Variants in TMTC2 observed in about 807,000 individuals in gnomAD.
TMTC2 encodes transmembrane O-mannosyltransferase targeting cadherins 2.
TMTC2 carries 43 observed loss-of-function variants against 82.4 expected under a neutral mutation model. The ratio of observed to expected loss-of-function variants is 0.52; its 90% CI spans 0.41 to 0.67. The LOEUF (loss-of-function observed/expected upper bound fraction) is 0.67. TMTC2 is among the 30% of genes least tolerant of loss of function. The pLI, the probability that TMTC2 is intolerant of heterozygous loss-of-function variation, is 0.00. For missense variants in TMTC2, 919 were observed against 1,012.4 expected, an observed-to-expected ratio of 0.91 and a Z score of 1.25; for synonymous variants, 408 against 381.9, an observed-to-expected ratio of 1.07 and a Z score of -0.80.
At chr12:82,734,235 T>G (rs571388299) in intron 1 of TMTC2, among the ~76,000 whole-genome samples, 1 of 152,328 alleles carries the variant, frequency 6.6e-6, no homozygotes, top group African/African-American at 2.4e-5. Context: ...GCGAGCAGGC[T>G]TGGCTGTATT....
intron 1 of TMTC2, among the ~76,000 whole-genome samples, chr12:82,704,132 T>C (rs764318213): frequency 6.6e-6 from 1 of 152,222 alleles, no homozygotes; most frequent in Non-Finnish European, 1.5e-5. Context: ...GTAAATTTGA[T>C]GTTACATTGG....
At chr12:82,735,637 A>G (rs143711543) in intron 1 of TMTC2, among the ~76,000 whole-genome samples, 20,955 of 143,854 alleles carry the variant, frequency 0.15, 1,650 homozygotes, top group Admixed American at 0.18. Flanking sequence ...GAGCCACCGC[A>G]CCCAGCCCCC....
chr12:82,992,199 A>G (rs143256472), intron 8 of TMTC2, among the ~76,000 whole-genome samples: 40 of 152,338 alleles, frequency 2.6e-4, no homozygotes, highest in Non-Finnish European at 2.9e-5. Flanking sequence ...AGTGTAGTTT[A>G]TCTGGAAATG....
At chr12:82,969,408 C>T (rs1878355565) in intron 7 of TMTC2, among the ~76,000 whole-genome samples, 1 of 152,064 alleles carries the variant, frequency 6.6e-6, no homozygotes, top group Admixed American at 6.6e-5. Context: ...TATTTTTTCC[C>T]ATTCTATTTT....
chr12:83,128,962 G>T (rs574776723), intron 11 of TMTC2, among the ~76,000 whole-genome samples: 7 of 152,078 alleles, frequency 4.6e-5, no homozygotes, highest in African/African-American at 1.7e-4. Flanking sequence ...CAGAATAAAC[G>T]TTGACTTTCA....
intron 11 of TMTC2, among the ~76,000 whole-genome samples, chr12:83,091,215 G>A: frequency 6.6e-6 from 1 of 151,528 alleles, no homozygotes; most frequent in African/African-American, 2.4e-5. Context: ...ATTTTAAGAT[G>A]GTGAAGCATA....
At chr12:82,858,329 C>G (rs1258874986) in intron 2 of TMTC2, among the ~76,000 whole-genome samples, 1 of 152,194 alleles carries the variant, frequency 6.6e-6, no homozygotes, top group Non-Finnish European at 1.5e-5. Context: ...GACGGGGCAT[C>G]TTGAGAAATT....
At chr12:83,120,906 C>T (rs534961204) in intron 11 of TMTC2, among the ~76,000 whole-genome samples, 71 of 152,250 alleles carry the variant, frequency 4.7e-4, no homozygotes, top group South Asian at 1.9e-3. Context: ...ACCTTGTCTT[C>T]GAGCTCTGAA....
At chr12:82,772,599 A>G (rs1416335968) in intron 1 of TMTC2, among the ~76,000 whole-genome samples, 1 of 152,210 alleles carries the variant, frequency 6.6e-6, no homozygotes, top group East Asian at 1.9e-4. Context: ...AGTCTGCATC[A>G]CAGCAGCAGG....
At chr12:83,063,829 TCAGA>T (rs1188643656) in intron 11 of TMTC2, among the ~76,000 whole-genome samples, 9 of 151,832 alleles carry the variant, frequency 5.9e-5, no homozygotes, top group Non-Finnish European at 1.3e-4. Context: ...AGCTAGTATG[TCAGA>T]CAGTGATAAG....
rs546072339 is a variant in TMTC2, at chr12:83,002,010, G to A, written c.2070+15964G>A. On this transcript the variant is annotated intron_variant, in intron 8 of 11. Transcript: ENST00000321196. ...CTGGCTTCATAGAATGAGTTAGGAA[G>A]GAATTCTTTCTCCTCAGTTTTTTGG... 3.9e-5 allele frequency among the ~76,000 whole-genome samples: 6 copies of A among 152,286 alleles called. No homozygotes were observed. The South Asian group carries it at 1.2e-3, about 32-fold the overall frequency.
At chr12:83,117,353 T>C (rs911969592) in intron 11 of TMTC2, among the ~76,000 whole-genome samples, 2 of 152,296 alleles carry the variant, frequency 1.3e-5, no homozygotes, top group African/African-American at 2.4e-5. Context: ...CTGAGGAACA[T>C]AGATGCTAAA....
At chr12:82,706,591 G>A (rs1232043771) in intron 1 of TMTC2, among the ~76,000 whole-genome samples, 1 of 152,152 alleles carries the variant, frequency 6.6e-6, no homozygotes, top group Non-Finnish European at 1.5e-5. Flanking sequence ...GGATTATATA[G>A]GCTGTATAGG....
rs574776723 is a variant in TMTC2 at position 83,128,962 on chromosome 12, G to A, written c.2332-3248G>A. 5.9e-5 allele frequency among the ~76,000 whole-genome samples: 9 copies of A among 152,196 alleles called. 1 individual carries two copies. The South Asian group carries it at 1.0e-3, about 18-fold the overall frequency. On this transcript the variant is annotated intron_variant, in intron 11 of 11. Coordinates refer to ENST00000321196, the MANE Select transcript of TMTC2 (RefSeq NM_152588.3). ...TGAAATTTTTTATGTCAGAATAAACGTTGACTTTCAAAGCAGTTATCTAGG... is the reference window on the plus strand; with the variant it reads ...TGAAATTTTTTATGTCAGAATAAACATTGACTTTCAAAGCAGTTATCTAGG...
At chr12:83,031,048 C>T (rs926735055) in intron 9 of TMTC2, among the ~76,000 whole-genome samples, 169 bp downstream of exon 9, 4 of 152,026 alleles carry the variant, frequency 2.6e-5, no homozygotes, top group Admixed American at 1.3e-4. Context: ...TCCTATTAGA[C>T]GGGCTGTGCA....
chr12:83,060,616 A>G (rs1202584396), intron 10 of TMTC2, among the ~76,000 whole-genome samples: 1 of 151,652 alleles, frequency 6.6e-6, no homozygotes, highest in African/African-American at 2.4e-5. Flanking sequence ...CTGAAATTGA[A>G]TTTGGCATTT....
At chr12:82,987,912 C>CT (rs1879234275) in intron 8 of TMTC2, among the ~76,000 whole-genome samples, 1 of 152,216 alleles carries the variant, frequency 6.6e-6, no homozygotes, top group South Asian at 2.1e-4. Flanking sequence ...TGCTCCTGTC[C>CT]TTTCTTTACC....
intron 2 of TMTC2, among the ~76,000 whole-genome samples, chr12:82,861,246 C>T (rs1871532102): frequency 6.6e-6 from 1 of 152,120 alleles, no homozygotes; most frequent in Non-Finnish European, 1.5e-5. Flanking sequence ...GCCAGAGGGG[C>T]AAGGCTCTTG....
At chr12:83,066,608 G>C (rs1056890637) in intron 11 of TMTC2, among the ~76,000 whole-genome samples, 1 of 151,764 alleles carries the variant, frequency 6.6e-6, no homozygotes, top group Non-Finnish European at 1.5e-5. Context: ...ACAGCCTTGG[G>C]AAAACTAAAT....
Sources: allele counts gnomAD v4.1 joint callset (sites outside exome capture counted in the v4.1 genomes callset), GRCh38; gene constraint gnomAD v4.1.1; transcripts MANE v1.5; gene names NCBI Gene and HGNC (gene_info 2026-07-23, HGNC 2026-07-21).